SDK1: variants seen among roughly 807,000 people sequenced by gnomAD.
SDK1 encodes the protein sidekick cell adhesion molecule 1.
A neutral mutation model predicts 245.5 loss-of-function variants in SDK1; 157 were observed. The ratio of observed to expected loss-of-function variants is 0.64; its 90% CI spans 0.56 to 0.73. The LOEUF (loss-of-function observed/expected upper bound fraction) is 0.73. Among genes scored for constraint, SDK1 ranks in the 30% least tolerant of loss-of-function variants. The probability of loss-of-function intolerance (pLI) is 0.00; values close to 1 mark genes in which losing one functional copy is unlikely to be tolerated. For synonymous variants in SDK1, 1,647 were observed against 1,278.5 expected (o/e 1.29, Z -6.15); for missense variants, 3,583 against 3,002.3 (o/e 1.19, Z -4.52).
intron 7 of SDK1, among the ~76,000 whole-genome samples, chr7:3,952,448 T>C (rs1026883671): frequency 6.6e-6 from 1 of 152,062 alleles, no homozygotes; most frequent in Non-Finnish European, 1.5e-5. Flanking sequence ...CTGGGCGCAG[T>C]GGCGGGCGCC....
rs186850962 is a variant in SDK1 at position 3,308,780 on chromosome 7, A to G, written c.298+6896A>G. ...TGTTTGGTTGCCTTTTCTCCTTTCTATAACTCTCCATGGTATTCTAGACCT... is the reference window on the plus strand; with the variant it reads ...TGTTTGGTTGCCTTTTCTCCTTTCTGTAACTCTCCATGGTATTCTAGACCT... On this transcript the variant is annotated intron_variant, in intron 1 of 44. Transcript: ENST00000404826. Among the ~76,000 whole-genome samples the G allele has an allele frequency of 3.3e-3, 501 of 152,180 alleles. 1 individual carries two copies. The highest frequency in any genetic ancestry group is 0.011 in the African/African-American group (461 of 41,516).
chr7:3,896,362 G>T (rs1395752350), intron 5 of SDK1, among the ~76,000 whole-genome samples: 2 of 152,100 alleles, frequency 1.3e-5, no homozygotes, highest in African/African-American at 4.8e-5. Flanking sequence ...CCTCTTCCTG[G>T]CCTTGTGTGG....
intron 1 of SDK1, among the ~76,000 whole-genome samples, chr7:3,329,880 C>G (rs983997420): frequency 3.9e-5 from 6 of 152,290 alleles, no homozygotes; most frequent in African/African-American, 1.4e-4. Context: ...TATAAGTAAT[C>G]TAGCGATGAC....
chr7:3,339,182 T>TAAA (rs59872233), intron 1 of SDK1, among the ~76,000 whole-genome samples: 11 of 151,440 alleles, frequency 7.3e-5, no homozygotes, highest in Non-Finnish European at 1.5e-4. Context: ...TCAGAATAAA[T>TAAA]TAATAAAGAC....
chr7:3,517,509 T>A lies in SDK1; in HGVS notation c.299-101571T>A, dbSNP rs183848449. On this transcript the variant is annotated intron_variant, in intron 1 of 44. Coordinates refer to ENST00000404826, the MANE Select transcript of SDK1 (RefSeq NM_152744.4). ...GCAATACTCAACACTTTTGCTTGCT[T>A]CCTGCAGGAATGTATTGACCTGTTG... 1.4e-4 allele frequency among the ~76,000 whole-genome samples: 21 copies of A among 152,288 alleles called. No individual in the cohort carries two copies. The East Asian group carries it at 4.1e-3, about 29-fold the overall frequency.
intron 1 of SDK1, among the ~76,000 whole-genome samples, chr7:3,528,631 A>G (rs1783234237): frequency 6.6e-6 from 1 of 152,106 alleles, no homozygotes; most frequent in Non-Finnish European, 1.5e-5. Flanking sequence ...TTTGTAAGTG[A>G]TGAAGGCAGC....
At chr7:4,091,398 A>C (rs1781794223) in intron 22 of SDK1, among the ~76,000 whole-genome samples, 1 of 136,632 alleles carries the variant, frequency 7.3e-6, no homozygotes, top group Non-Finnish European at 1.5e-5. Flanking sequence ...GCTGGAGTGC[A>C]GCATCAGGAT....
intron 1 of SDK1, among the ~76,000 whole-genome samples, chr7:3,578,207 G>A (rs1362591179): frequency 1.3e-5 from 2 of 151,956 alleles, no homozygotes; most frequent in African/African-American, 4.8e-5. Flanking sequence ...TCACATATCG[G>A]TAGGACCATG....
chr7:3,971,316 T>C (rs1782469124), intron 11 of SDK1, 150 bp from the exon 12 acceptor site: 1 of 634,822 alleles, frequency 1.6e-6, no homozygotes, highest in Non-Finnish European at 2.9e-6. Context: ...TCCCCTAGCA[T>C]TTCTGAGAGT....
In SDK1 at chr7:4,129,887, C is replaced by A. The variant is rs750236049; in HGVS notation, c.3940-21C>A. On this transcript the variant is annotated intron_variant, in intron 26 of 44. Coordinates refer to ENST00000404826, the MANE Select transcript of SDK1 (RefSeq NM_152744.4). ...CTGGCACCCGCCTCCTGATAACCCT[C>A]GTGCTGTGTCGATACCACAGATCCT... 3.1e-6 allele frequency: 5 copies of A among 1,612,670 alleles called. No homozygotes were observed. In the East Asian group the frequency reaches 6.7e-5, roughly 22 times the overall value.
chr7:3,846,767 C>T (rs1165543613), intron 5 of SDK1, among the ~76,000 whole-genome samples: 2 of 152,128 alleles, frequency 1.3e-5, no homozygotes, highest in African/African-American at 2.4e-5. Context: ...CCTAGACAGC[C>T]GTGTCTTTAC....
chr7:3,797,881 G>T (rs185858233), intron 4 of SDK1, among the ~76,000 whole-genome samples: 17 of 152,178 alleles, frequency 1.1e-4, no homozygotes, highest in Non-Finnish European at 1.5e-5. Flanking sequence ...CTGTACAGAT[G>T]TCAACTTTTT....
chr7:3,555,168 C>T (rs1053498495), intron 1 of SDK1, among the ~76,000 whole-genome samples: 5 of 152,164 alleles, frequency 3.3e-5, no homozygotes, highest in Non-Finnish European at 7.4e-5. Flanking sequence ...GTCACATTTA[C>T]ATGACTTGAA....
At chr7:3,570,664 T>C (rs1314388152) in intron 1 of SDK1, among the ~76,000 whole-genome samples, 1 of 152,226 alleles carries the variant, frequency 6.6e-6, no homozygotes, top group East Asian at 1.9e-4. Context: ...CATTAACTTA[T>C]GTCACAGTCG....
At chr7:3,317,250 G>A (rs1355067362) in intron 1 of SDK1, among the ~76,000 whole-genome samples, 7 of 145,134 alleles carry the variant, frequency 4.8e-5, no homozygotes, top group African/African-American at 7.7e-5. Context: ...TAGCAATTTC[G>A]AATCCTATTT....
At chr7:3,817,912 T>C (rs993102230) in intron 4 of SDK1, among the ~76,000 whole-genome samples, 1 of 152,222 alleles carries the variant, frequency 6.6e-6, no homozygotes, top group African/African-American at 2.4e-5. Flanking sequence ...GCACAGATAC[T>C]TTGCTCATCA....
At chr7:3,492,201 C>G (rs771251297) in intron 1 of SDK1, among the ~76,000 whole-genome samples, 1 of 152,206 alleles carries the variant, frequency 6.6e-6, no homozygotes. Context: ...CCTTTCTGTT[C>G]AGTCTTTCTT....
At chr7:3,988,074 C>T (rs1235619111) in intron 14 of SDK1, among the ~76,000 whole-genome samples, 11 of 149,936 alleles carry the variant, frequency 7.3e-5, no homozygotes, top group African/African-American at 2.4e-4. Flanking sequence ...ACATCTGTAT[C>T]GGGTTGTCTC....
chr7:3,623,476 A>G (rs1283677738), intron 2 of SDK1, among the ~76,000 whole-genome samples: 1 of 151,888 alleles, frequency 6.6e-6, no homozygotes, highest in Non-Finnish European at 1.5e-5. Context: ...CCTGACCTCA[A>G]GTGATCTGCC....
Sources: allele counts gnomAD v4.1 joint callset (sites outside exome capture counted in the v4.1 genomes callset), GRCh38; gene constraint gnomAD v4.1.1; transcripts MANE v1.5; gene names NCBI Gene and HGNC (gene_info 2026-07-23, HGNC 2026-07-21).